Variants in TOGARAM2 observed in about 807,000 individuals in gnomAD.
TOGARAM2 encodes TOG array regulator of axonemal microtubules 2.
Under a neutral mutation model 93.3 loss-of-function variants are expected in TOGARAM2, and 85 were observed. The observed-to-expected ratio is 0.91, with a 90% CI of 0.76 to 1.09. The LOEUF (loss-of-function observed/expected upper bound fraction) is 1.09. TOGARAM2 is among the 50% of genes least tolerant of loss of function. The pLI is 0.00. For missense variants in TOGARAM2, 1,277 were observed against 1,334.5 expected (o/e 0.96, Z 0.67); for synonymous variants, 593 against 552.8 (o/e 1.07, Z -1.02).
chr2:28,968,427 C>T (rs1269953682), intron 1 of TOGARAM2, among the ~76,000 whole-genome samples: 4 of 152,120 alleles, frequency 2.6e-5, no homozygotes, highest in African/African-American at 9.7e-5. Context: ...TCTCTCCCTG[C>T]CCTTCTCCAC....
intron 1 of TOGARAM2, among the ~76,000 whole-genome samples, chr2:28,976,187 G>C (rs1394432026): frequency 1.3e-5 from 2 of 152,106 alleles, no homozygotes; most frequent in Non-Finnish European, 2.9e-5. Context: ...TGGCTAACAT[G>C]GTGAAACCCC....
chr2:29,037,417 C>T (rs1380920565), intron 18 of TOGARAM2, among the ~76,000 whole-genome samples: 1 of 152,212 alleles, frequency 6.6e-6, no homozygotes, highest in Non-Finnish European at 1.5e-5. Flanking sequence ...CTTTCCCAAA[C>T]AAGCCTTGCT....
chr2:29,024,043 G>C lies in TOGARAM2; in HGVS notation c.1618-96G>C, dbSNP rs186151726. On this transcript the variant is annotated intron_variant, in intron 12 of 19. Coordinates refer to ENST00000379558, the MANE Select transcript of TOGARAM2 (RefSeq NM_199280.4). ...AGGCCTAGGTCAGGGGAAGGGTGGG[G>C]GTGGAGGAAGAGGGTGGTGCAGGGC... 223 of 1,036,848 alleles carry C rather than the reference G, an allele frequency of 2.2e-4. No individual in the cohort carries two copies. The African/African-American group carries it at 3.2e-3, about 15-fold the overall frequency. 64.2% of individuals were successfully genotyped at this position (1,036,848 alleles called of 1,614,324 possible). A position where few individuals can be genotyped will look rare whatever the true frequency, so the allele number is the denominator to read the frequency against.
intron 1 of TOGARAM2, among the ~76,000 whole-genome samples, chr2:28,987,298 G>GT (rs1266561745): frequency 6.6e-6 from 1 of 152,106 alleles, no homozygotes; most frequent in South Asian, 2.1e-4. Context: ...GTGCTTTAGT[G>GT]TTTTTTTATG....
At chr2:29,029,627 G>T (rs937828669) in intron 14 of TOGARAM2, among the ~76,000 whole-genome samples, 1 of 149,584 alleles carries the variant, frequency 6.7e-6, no homozygotes, top group Non-Finnish European at 1.5e-5. Context: ...GTGGTGGCGG[G>T]TGCCTGTAGT....
chr2:28,970,879 GAAAT>G (rs1475579104), intron 1 of TOGARAM2: 7 of 152,218 alleles, frequency 4.6e-5, no homozygotes, highest in African/African-American at 1.4e-4. Flanking sequence ...TGAAAAACAA[GAAAT>G]CTTTTCTTCC....
rs538090036 is a variant in TOGARAM2 at position 29,043,733 on chromosome 2, C to T, written c.2636-1591C>T. On this transcript the variant is annotated intron_variant, in intron 18 of 19. Coordinates refer to ENST00000379558, the MANE Select transcript of TOGARAM2 (RefSeq NM_199280.4). ...TGCTGGGAGCTTGGCATGCTGGTTTCTCTGCAGTCCACAAGGAGAAGGTTC... is the reference window on the plus strand; with the variant it reads ...TGCTGGGAGCTTGGCATGCTGGTTTTTCTGCAGTCCACAAGGAGAAGGTTC... Among the ~76,000 whole-genome samples the T allele has an allele frequency of 7.2e-5, 11 of 152,320 alleles. 2 individuals carry two copies. The South Asian group carries it at 2.3e-3, about 32-fold the overall frequency.
In TOGARAM2 at chr2:29,026,853, C is replaced by T. The variant is rs775064305; in HGVS notation, c.1854C>T (p.Tyr618=). ...SLVVLTSAGV[Y]HRNPLIRKYA... is the part of the protein sequence containing the mutation. Reference sequence around the variant, plus strand: ...CCCCTGGGCCATGATTTCCTTTCAGCCACCGGAACCCCTTGATCCGGAAAT... The same window carrying T: ...CCCCTGGGCCATGATTTCCTTTCAGTCACCGGAACCCCTTGATCCGGAAAT... The change falls in exon 14 of 20, where the codon TAC becomes TAT. Residue 618 remains tyrosine, a splice_region_variant and synonymous_variant. Transcript: ENST00000379558. 1.3e-6 allele frequency: 2 copies of T among 1,582,388 alleles called. No individual in the cohort carries two copies. The highest frequency in any genetic ancestry group is 1.7e-6 in the Non-Finnish European group (2 of 1,162,166).
At chr2:29,041,802 T>C (rs944915312) in intron 18 of TOGARAM2, among the ~76,000 whole-genome samples, 10 of 151,114 alleles carry the variant, frequency 6.6e-5, no homozygotes, top group Admixed American at 2.0e-4. Context: ...GAGTGTAGAT[T>C]TTCAGCTTTT....
chr2:29,045,809 A>G (rs1666710572), intron 19 of TOGARAM2: 1 of 251,330 alleles, frequency 4.0e-6, no homozygotes, highest in Non-Finnish European at 7.8e-6. Context: ...ATATTCCAAA[A>G]TCAGAAAAAA....
chr2:29,043,936 T>C (rs1453951962), intron 18 of TOGARAM2, among the ~76,000 whole-genome samples: 1 of 152,264 alleles, frequency 6.6e-6, no homozygotes, highest in Non-Finnish European at 1.5e-5. Flanking sequence ...TACGGAGTCC[T>C]GCTGCAGTCG....
chr2:28,983,198 A>ATAT (rs1196223294), intron 1 of TOGARAM2, among the ~76,000 whole-genome samples: 5 of 56,628 alleles, frequency 8.8e-5, no homozygotes, highest in African/African-American at 4.2e-4. Context: ...ATATATATAT[A>ATAT]TTTTTTTTTT....
intron 14 of TOGARAM2, 134 bp from the exon 15 acceptor site, chr2:29,032,800 G>A (rs370543897): frequency 4.6e-6 from 3 of 656,002 alleles, no homozygotes; most frequent in African/African-American, 3.6e-5. Flanking sequence ...TTTTTAACTG[G>A]GTAGGGATTG....
At chr2:28,983,565 C>T (rs1436953677) in intron 1 of TOGARAM2, among the ~76,000 whole-genome samples, 2 of 152,004 alleles carry the variant, frequency 1.3e-5, no homozygotes, top group African/African-American at 4.8e-5. Context: ...TCCTGTTGGA[C>T]ATTTAGATTT....
intron 1 of TOGARAM2, among the ~76,000 whole-genome samples, chr2:28,985,128 T>A (rs1672408013): frequency 6.6e-6 from 1 of 152,080 alleles, no homozygotes; most frequent in South Asian, 2.1e-4. Flanking sequence ...TAGATTCAGA[T>A]GAGGTCGTGA....
At chr2:28,990,326 G>T (rs576078068) in intron 1 of TOGARAM2, among the ~76,000 whole-genome samples, 1 of 152,158 alleles carries the variant, frequency 6.6e-6, no homozygotes, top group East Asian at 1.9e-4. Context: ...TCCTTCCAAG[G>T]CCCCACTTGA....
chr2:28,965,527 G>A (rs762865869), intron 1 of TOGARAM2, among the ~76,000 whole-genome samples: 1 of 152,186 alleles, frequency 6.6e-6, no homozygotes, highest in Non-Finnish European at 1.5e-5. Flanking sequence ...TATCAACAGG[G>A]ATCCGTCTTT....
Position 28,990,885 on chromosome 2 carries a change from G to A in TOGARAM2, c.-110-3840G>A, listed in dbSNP as rs565313383. ...ACATATCTGTCTCCTCCGCATGAGA[G>A]GCGTCTCTGTCACCTGGGTCTGTCT... On this transcript the variant is annotated intron_variant, in intron 1 of 19. Coordinates refer to ENST00000379558, the MANE Select transcript of TOGARAM2 (RefSeq NM_199280.4). Among the ~76,000 whole-genome samples the A allele has an allele frequency of 3.3e-3, 507 of 152,064 alleles. 1 individual carries two copies. Among genetic ancestry groups the A allele is most frequent in the Non-Finnish European group, 4.1e-3 (276 of 67,986 alleles).
chr2:29,035,049 C>T (rs1665998407), intron 16 of TOGARAM2, among the ~76,000 whole-genome samples: 2 of 151,312 alleles, frequency 1.3e-5, no homozygotes, highest in Admixed American at 6.6e-5. Flanking sequence ...ACTTGGGAGG[C>T]CGAGGCAGGA....
Sources: gnomAD v4.1 joint callset for allele counts (sites outside exome capture counted in the v4.1 genomes callset) on GRCh38, gnomAD v4.1.1 for gene constraint, MANE v1.5 for transcripts, NCBI Gene and HGNC (gene_info 2026-07-23, HGNC 2026-07-21) for gene names.